Variants in XDH observed in about 807,000 individuals in gnomAD.
XDH encodes the protein xanthine dehydrogenase/oxidase.
A neutral mutation model predicts 156.1 loss-of-function variants in XDH; 138 were observed. The ratio of observed to expected loss-of-function variants is 0.88; its 90% confidence interval spans 0.77 to 1.02. The LOEUF is 1.02. Ranked by LOEUF, XDH falls within the 50% of genes least tolerant of loss-of-function variation. The probability of loss-of-function intolerance (pLI) is 0.00; values close to 1 mark genes in which losing one functional copy is unlikely to be tolerated. For missense variants in XDH, 1,849 were observed against 1,684.9 expected (o/e 1.10, Z -1.71); for synonymous variants, 669 against 625.7 (o/e 1.07, Z -1.03).
In XDH at chr2:31,350,111, A is replaced by C. The variant is rs769222164; in HGVS notation, c.2744T>G (p.Phe915Cys). 8 of 1,614,226 alleles carry C rather than the reference A, an allele frequency of 5.0e-6. No homozygotes were observed. The South Asian group carries it at 6.6e-5, about 13-fold the overall frequency. ...AATGAGCATCCCCTGGGGCCCCCCA[A>C]AGCCCCGGAAGGCCGTGTTGGAGGG... Reference protein sequence around the residue: ...NLPSNTAFRGFGGPQGMLIAE... With the variant: ...NLPSNTAFRGCGGPQGMLIAE... The change falls in exon 25 of 36, where the codon TTT (phenylalanine) becomes TGT (cysteine). Residue 915 changes from phenylalanine (F) to cysteine (C), a missense_variant. Physicochemically the swap from Phe to Cys is radical, Grantham distance 205. Coordinates refer to ENST00000379416, the MANE Select transcript of XDH (RefSeq NM_000379.4).
In XDH at chr2:31,403,006, C is replaced by A. The variant is rs751174933; in HGVS notation, c.197+42G>T. The A allele has an allele frequency of 2.5e-6, 4 of 1,609,622 alleles. No homozygotes were observed. In the South Asian group the frequency reaches 4.4e-5, roughly 18 times the overall value. On this transcript the variant is annotated intron_variant, in intron 3 of 35. Coordinates refer to ENST00000379416, the MANE Select transcript of XDH (RefSeq NM_000379.4). ...ACTCCCTCACAAGCTGGTCCTGCAT[C>A]GCAGCCCCCATGTGGGTGGTCAGCC...
chr2:31,376,960 T>A, intron 14 of XDH, 93 bp downstream of exon 14: 1 of 1,502,438 alleles, frequency 6.7e-7, no homozygotes, highest in Non-Finnish European at 9.2e-7. Context: ...GCAATAGTAA[T>A]ACTACTGGTA....
chr2:31,348,528 C>G (rs1685365503), intron 27 of XDH, among the ~76,000 whole-genome samples, 165 bp from the exon 28 acceptor site: 1 of 152,224 alleles, frequency 6.6e-6, no homozygotes, highest in Admixed American at 6.5e-5. Flanking sequence ...AATTATATAG[C>G]ACTTCAGTAG....
intron 34 of XDH, among the ~76,000 whole-genome samples, chr2:31,338,295 A>G (rs1685023116): frequency 6.6e-6 from 1 of 152,228 alleles, no homozygotes. Context: ...ATTTTCTAGC[A>G]TAGGTTGGTT....
At position 31,339,820 on chromosome 2, in the gene XDH, C is replaced by T. The variant is rs1227108332; in HGVS notation, c.3586-143G>A. The T allele has an allele frequency of 3.3e-5, 36 of 1,090,850 alleles. No individual in the cohort carries two copies. The Middle Eastern group carries it at 8.1e-4, about 24-fold the overall frequency. The allele number at this position is 1,090,850 out of a possible 1,614,324, so 67.6% of individuals were successfully genotyped here. A position where few individuals can be genotyped will look rare whatever the true frequency, so the allele number is the denominator to read the frequency against. ...TGCCCTCTATTGCTTACCTGGCTCCCGCCTCAGCCCTGGGATAACCCATCC... is the reference window on the plus strand; with the variant it reads ...TGCCCTCTATTGCTTACCTGGCTCCTGCCTCAGCCCTGGGATAACCCATCC... On this transcript the variant is annotated intron_variant, in intron 33 of 35. Transcript: ENST00000379416.
chr2:31,371,096 CAG>C (rs890071689), intron 17 of XDH, among the ~76,000 whole-genome samples: 7 of 152,214 alleles, frequency 4.6e-5, no homozygotes, highest in Non-Finnish European at 1.0e-4. Context: ...CCCAGCATGA[CAG>C]GGCATCCTAC....
rs565790296 is a variant in XDH at position 31,393,885 on chromosome 2, C to T, written c.495+3783G>A. ...AGTCCACTTTTAAATAACACTACAC[C>T]GCTTTACAGGTAGTGATTGTATCTT... On this transcript the variant is annotated intron_variant, in intron 6 of 35. Coordinates refer to ENST00000379416, the MANE Select transcript of XDH (RefSeq NM_000379.4). Among the ~76,000 whole-genome samples the T allele has an allele frequency of 9.3e-5, 14 of 151,228 alleles. No homozygotes were observed. The East Asian group carries it at 1.2e-3, about 13-fold the overall frequency.
chr2:31,400,429 T>C (rs1245142569), intron 4 of XDH, among the ~76,000 whole-genome samples: 1 of 151,930 alleles, frequency 6.6e-6, no homozygotes, highest in Non-Finnish European at 1.5e-5. Context: ...TTAGTAGAGA[T>C]GGGGTTTCAC....
At position 31,348,354 on chromosome 2, in the gene XDH, G is replaced by A. The variant is rs1006303631; in HGVS notation, c.3061C>T (p.Leu1021=). The A allele has an allele frequency of 6.2e-7, 1 of 1,614,036 alleles. No homozygotes were observed. The highest frequency in any genetic ancestry group is 1.3e-5 in the African/African-American group (1 of 74,924). The part of the protein sequence containing the change: ...TVPFLNQAGA[L]LHVYTDGSVL... Reference sequence around the variant, plus strand: ...GAGCCATCTGTGTACACATGAAGTAGGGCTCCTGCCTAGGGAAAGAGAAGG... The same window carrying A: ...GAGCCATCTGTGTACACATGAAGTAAGGCTCCTGCCTAGGGAAAGAGAAGG... The change falls in exon 28 of 36, where the codon CTA becomes TTA. Residue 1021 remains leucine, a synonymous_variant. Transcript: ENST00000379416.
chr2:31,343,667 A>G (rs1282085790), intron 31 of XDH, among the ~76,000 whole-genome samples: 1 of 146,974 alleles, frequency 6.8e-6, no homozygotes, highest in Non-Finnish European at 1.5e-5. Context: ...ATACAGATAT[A>G]TGTCTTATAC....
In XDH at chr2:31,337,749, T is replaced by A. The variant is rs2148747225; in HGVS notation, c.3843A>T (p.Ala1281=). 6.2e-7 allele frequency: 1 copy of A among 1,614,216 alleles called. No individual in the cohort carries two copies. The highest frequency in any genetic ancestry group is 2.2e-5 in the East Asian group (1 of 44,892). ...TATTACCTGTGTGCTGAGCTCGAGCTGCACGGATGGCATCTTTGATGGCAA... is the reference window on the plus strand; with the variant it reads ...TATTACCTGTGTGCTGAGCTCGAGCAGCACGGATGGCATCTTTGATGGCAA... ...IFFAIKDAIR[A]ARAQHTGNNV... is the part of the protein sequence containing the mutation. The change falls in exon 35 of 36, where the codon GCA becomes GCT. Residue 1281 remains alanine (A), a synonymous_variant. Coordinates refer to ENST00000379416, the MANE Select transcript of XDH (RefSeq NM_000379.4).
intron 3 of XDH, among the ~76,000 whole-genome samples, chr2:31,401,812 G>A (rs1687068530): frequency 6.6e-6 from 1 of 152,192 alleles, no homozygotes; most frequent in African/African-American, 2.4e-5. Flanking sequence ...GGCAACATGA[G>A]ACAGCAAGCC....
chr2:31,355,984 G>A (rs73922350), intron 24 of XDH, among the ~76,000 whole-genome samples: 4,957 of 152,210 alleles, frequency 0.033, 263 homozygotes, highest in African/African-American at 0.11. Context: ...ATTAATATGA[G>A]ATAAAGTAGA....
intron 6 of XDH, among the ~76,000 whole-genome samples, chr2:31,389,052 G>A (rs1210666848): frequency 6.6e-6 from 1 of 152,210 alleles, no homozygotes. Flanking sequence ...GCAGCTCAGG[G>A]CTTCAGAAGA....
chr2:31,387,229 C>T (rs1161897856), intron 8 of XDH, among the ~76,000 whole-genome samples: 1 of 152,142 alleles, frequency 6.6e-6, no homozygotes, highest in East Asian at 1.9e-4. Flanking sequence ...AGGTAGTTTT[C>T]ATAGCTCAAA....
intron 22 of XDH, 75 bp from the exon 23 acceptor site, chr2:31,365,619 A>G (rs1572531952): frequency 6.4e-7 from 1 of 1,563,452 alleles, no homozygotes; most frequent in South Asian, 1.1e-5. Context: ...CAGAATAAAA[A>G]CAGCCGGGAA....
chr2:31,369,077 A>C (rs555968744), intron 18 of XDH, among the ~76,000 whole-genome samples: 14 of 152,254 alleles, frequency 9.2e-5, no homozygotes, highest in Admixed American at 2.0e-4. Flanking sequence ...ATCATGACTA[A>C]CCTTAGGCCC....
chr2:31,358,810 A>G (rs1484664780), intron 24 of XDH, among the ~76,000 whole-genome samples: 1 of 152,150 alleles, frequency 6.6e-6, no homozygotes, highest in Non-Finnish European at 1.5e-5. Flanking sequence ...AACCCTACCA[A>G]TAACATATTT....
At chr2:31,338,944 C>T (rs1685047228) in intron 34 of XDH, among the ~76,000 whole-genome samples, 1 of 151,666 alleles carries the variant, frequency 6.6e-6, no homozygotes, top group Non-Finnish European at 1.5e-5. Context: ...AGGCTGGTCT[C>T]GAACTTCTGA....
Sources: allele counts gnomAD v4.1 joint callset (sites outside exome capture counted in the v4.1 genomes callset), GRCh38; gene constraint gnomAD v4.1.1; transcripts MANE v1.5; gene names NCBI Gene and HGNC (gene_info 2026-07-23, HGNC 2026-07-21).